The following DYRK1A variants were observed in gnomAD, a reference collection of about 807,000 sequenced individuals.
DYRK1A encodes the protein dual specificity tyrosine phosphorylation regulated kinase 1A.
A neutral mutation model predicts 79.7 loss-of-function variants in DYRK1A; 9 were observed. The ratio of observed to expected loss-of-function variants is 0.11; its 90% CI spans 0.07 to 0.20. DYRK1A has a LOEUF of 0.20. DYRK1A is among the 10% of genes least tolerant of loss of function. DYRK1A has a pLI of 1.00. For synonymous variants in DYRK1A, 349 were observed against 329.7 expected (o/e 1.06, Z -0.63); for missense variants, 622 against 956.0 (o/e 0.65, Z 4.61).
Position 37,526,153 on chromosome 21 carries a change from T to G in DYRK1A, c.*13622T>G, listed in dbSNP as rs1312645045. The G allele has an allele frequency of 6.6e-6, 1 of 152,218 alleles. No homozygotes were observed. The highest frequency in any genetic ancestry group is 2.4e-5 in the African/African-American group (1 of 41,452). The allele number at this position is 152,218 out of a possible 1,614,324, so 9.4% of individuals were successfully genotyped here. On this transcript the variant is annotated 3_prime_UTR_variant, in exon 12 of 12. Coordinates refer to ENST00000647188, the MANE Select transcript of DYRK1A (RefSeq NM_001347721.2). Reference sequence around the variant, plus strand: ...ACACATTTGCCACAGATACATTATCTGAGCCCAAACTACAGTTTGAGCAGT... The same window carrying G: ...ACACATTTGCCACAGATACATTATCGGAGCCCAAACTACAGTTTGAGCAGT...
chr21:37,442,208 T>C (rs2051128958), intron 2 of DYRK1A, among the ~76,000 whole-genome samples: 1 of 152,104 alleles, frequency 6.6e-6, no homozygotes, highest in South Asian at 2.1e-4. Context: ...TTGTGTTTCT[T>C]GTGCTTGTGG....
chr21:37,386,278 A>G (rs1186182920), intron 1 of DYRK1A, among the ~76,000 whole-genome samples: 1 of 152,180 alleles, frequency 6.6e-6, no homozygotes, highest in East Asian at 1.9e-4. Flanking sequence ...GTGCGCTTGA[A>G]TCATCCCAAA....
At chr21:37,367,902 A>G in intron 1 of DYRK1A, 1 of 154,254 alleles carries the variant, frequency 6.5e-6, no homozygotes, top group Non-Finnish European at 1.4e-5. Context: ...AGACAGCGCC[A>G]GACCTTCACT....
chr21:37,506,859 A>T (rs1176604667), intron 11 of DYRK1A, among the ~76,000 whole-genome samples: 1 of 152,158 alleles, frequency 6.6e-6, no homozygotes, highest in African/African-American at 2.4e-5. Context: ...TATTTGATGG[A>T]TGAGTAAACT....
chr21:37,488,331 A>T (rs2052949285), intron 6 of DYRK1A: 10 of 965,190 alleles, frequency 1.0e-5, no homozygotes, highest in Non-Finnish European at 1.2e-5. Flanking sequence ...ATATCAATTG[A>T]ATTGATACCT....
intron 1 of DYRK1A, among the ~76,000 whole-genome samples, chr21:37,417,538 T>TTCTTTTTTTTC: frequency 1.0e-5 from 1 of 99,916 alleles, no homozygotes; most frequent in South Asian, 3.0e-4. Context: ...TCTTTTTTTT[T>TTCTTTTTTTTC]TTTTTTTTTT....
chr21:37,385,325 G>C (rs1422549268), intron 1 of DYRK1A, among the ~76,000 whole-genome samples: 4 of 152,138 alleles, frequency 2.6e-5, no homozygotes, highest in African/African-American at 7.2e-5. Flanking sequence ...TAAAGATGTT[G>C]GCTGAGGCTG....
rs1358929725 is a variant in DYRK1A, at chr21:37,369,044, C to G, written c.-77+1416C>G. 1.3e-5 allele frequency among the ~76,000 whole-genome samples: 2 copies of G among 152,076 alleles called. 1 individual carries two copies. Among genetic ancestry groups the G allele is most frequent in the South Asian group, 4.2e-4 (2 of 4,816 alleles). ...ATATTCCTTGATGTGTTTTGTACTT[C>G]AAACAATTTTGATTATAGTCATTTT... On this transcript the variant is annotated intron_variant, in intron 1 of 11. Coordinates refer to ENST00000647188, the MANE Select transcript of DYRK1A (RefSeq NM_001347721.2).
chr21:37,499,950 C>T (rs1443103822), intron 9 of DYRK1A, among the ~76,000 whole-genome samples: 1 of 152,134 alleles, frequency 6.6e-6, no homozygotes, highest in African/African-American at 2.4e-5. Flanking sequence ...GGATGTGAAA[C>T]CTGTGTATGA....
At chr21:37,413,831 A>C (rs571450293) in intron 1 of DYRK1A, among the ~76,000 whole-genome samples, 1 of 152,152 alleles carries the variant, frequency 6.6e-6, no homozygotes, top group African/African-American at 2.4e-5. Context: ...CAAGCATATC[A>C]GTTAAAGGAC....
chr21:37,484,818 G>A (rs1443552900), intron 5 of DYRK1A, among the ~76,000 whole-genome samples: 1 of 152,148 alleles, frequency 6.6e-6, no homozygotes, highest in African/African-American at 2.4e-5. Flanking sequence ...ACCCTGTGAC[G>A]ATAGAGTCCT....
At chr21:37,399,258 A>AT (rs2050012052) in intron 1 of DYRK1A, among the ~76,000 whole-genome samples, 1 of 151,964 alleles carries the variant, frequency 6.6e-6, no homozygotes, top group Non-Finnish European at 1.5e-5. Flanking sequence ...AAATAAGTGG[A>AT]TTTTCCTTTT....
intron 2 of DYRK1A, among the ~76,000 whole-genome samples, chr21:37,424,243 G>A (rs1406974202): frequency 6.6e-6 from 1 of 151,998 alleles, no homozygotes; most frequent in African/African-American, 2.4e-5. Context: ...CAAGCAGTTT[G>A]ACTTTTTTCT....
chr21:37,449,065 C>T (rs1451340204), intron 2 of DYRK1A, among the ~76,000 whole-genome samples: 1 of 152,120 alleles, frequency 6.6e-6, no homozygotes, highest in East Asian at 1.9e-4. Flanking sequence ...TGTACCTCTT[C>T]TCCAAGAAAA....
intron 1 of DYRK1A, among the ~76,000 whole-genome samples, chr21:37,369,248 GTGT>G (rs2049381641): frequency 6.6e-6 from 1 of 152,142 alleles, no homozygotes; most frequent in South Asian, 2.1e-4. Context: ...TTTAGCTTTT[GTGT>G]TGTTTAATTT....
chr21:37,390,131 T>C (rs2049842786), intron 1 of DYRK1A, among the ~76,000 whole-genome samples: 2 of 152,036 alleles, frequency 1.3e-5, no homozygotes, highest in Non-Finnish European at 2.9e-5. Flanking sequence ...CTATTTTCTG[T>C]TGTGCTTGAT....
intron 2 of DYRK1A, among the ~76,000 whole-genome samples, chr21:37,448,676 A>G (rs542313478): frequency 3.3e-5 from 5 of 152,300 alleles, no homozygotes; most frequent in African/African-American, 1.2e-4. Flanking sequence ...TATATATAAA[A>G]CAAGTATTTA....
At chr21:37,400,783 G>C (rs1741498153) in intron 1 of DYRK1A, among the ~76,000 whole-genome samples, 1 of 152,228 alleles carries the variant, frequency 6.6e-6, no homozygotes, top group Non-Finnish European at 1.5e-5. Context: ...AGAAAGTGCA[G>C]ATTGCAGAAG....
chr21:37,433,424 C>G (rs986678483), intron 2 of DYRK1A, among the ~76,000 whole-genome samples: 2 of 152,156 alleles, frequency 1.3e-5, no homozygotes, highest in Admixed American at 1.3e-4. Context: ...ATTGCTTTAT[C>G]TATATGGAGG....
Sources: gnomAD v4.1 joint callset for allele counts (sites outside exome capture counted in the v4.1 genomes callset) on GRCh38, gnomAD v4.1.1 for gene constraint, MANE v1.5 for transcripts, NCBI Gene and HGNC (gene_info 2026-07-23, HGNC 2026-07-21) for gene names.